The following FMN1 variants were observed in gnomAD, a reference collection of about 807,000 sequenced individuals.
The protein encoded by FMN1 is formin 1.
A neutral mutation model predicts 132.4 loss-of-function variants in FMN1; 110 were observed. That is an observed-to-expected ratio of 0.83 (90% CI 0.71 to 0.97). FMN1 has a LOEUF of 0.97. FMN1 is among the 50% of genes least tolerant of loss of function. The pLI, the probability that FMN1 is intolerant of heterozygous loss-of-function variation, is 0.00. For missense variants in FMN1, 1,792 were observed against 1,705.3 expected, an observed-to-expected ratio of 1.05 and a Z score of -0.90; for synonymous variants, 722 against 651.7, an observed-to-expected ratio of 1.11 and a Z score of -1.64.
At chr15:33,148,918 A>T (rs1292298066) in intron 4 of FMN1, among the ~76,000 whole-genome samples, 1 of 150,730 alleles carries the variant, frequency 6.6e-6, no homozygotes, top group African/African-American at 2.5e-5. Flanking sequence ...CTCAAAGGAC[A>T]TGGGGAAAAC....
At position 33,148,180 on chromosome 15, in the gene FMN1, G is replaced by A. The variant is rs564544973; in HGVS notation, c.1867+4868C>T. Among the ~76,000 whole-genome samples, 39 of 152,162 alleles carry A rather than the reference G, an allele frequency of 2.6e-4. 1 individual carries two copies. The Middle Eastern group carries it at 0.01, about 40-fold the overall frequency. ...ATAAACACACATTCTTCTTTCCCCTGTTGCTCATTTAAAATTCCATCCCAT... is the reference window on the plus strand; with the variant it reads ...ATAAACACACATTCTTCTTTCCCCTATTGCTCATTTAAAATTCCATCCCAT... On this transcript the variant is annotated intron_variant, in intron 4 of 20. Transcript: ENST00000616417.
chr15:32,889,381 G>A (rs573831165), intron 15 of FMN1, among the ~76,000 whole-genome samples: 115 of 152,134 alleles, frequency 7.6e-4, no homozygotes, highest in African/African-American at 2.5e-3. Flanking sequence ...TCCTCTCTCT[G>A]CACAGGCTAC....
intron 5 of FMN1, among the ~76,000 whole-genome samples, chr15:33,079,599 G>A (rs1376395779): frequency 1.3e-5 from 2 of 152,236 alleles, no homozygotes; most frequent in Non-Finnish European, 2.9e-5. Flanking sequence ...CTCCAGCCTC[G>A]GTGACAGAGC....
intron 16 of FMN1, among the ~76,000 whole-genome samples, chr15:32,863,625 G>A (rs1056264176): frequency 2.0e-5 from 3 of 152,138 alleles, no homozygotes; most frequent in African/African-American, 4.8e-5. Context: ...GGTATGGCAC[G>A]CAGTAATTAT....
intron 17 of FMN1, chr15:32,837,167 G>A (rs138220903): frequency 4.3e-5 from 10 of 230,080 alleles, no homozygotes; most frequent in African/African-American, 2.1e-4. Context: ...ATGTGGTCCA[G>A]TACAAGGAAC....
intron 16 of FMN1, among the ~76,000 whole-genome samples, chr15:32,874,228 G>C (rs1377632374): frequency 2.6e-5 from 4 of 151,676 alleles, no homozygotes; most frequent in Non-Finnish European, 5.9e-5. Context: ...TCGCTATGTT[G>C]GTCAGGCTGG....
At chr15:33,096,222 T>G (rs540800089) in intron 4 of FMN1, among the ~76,000 whole-genome samples, 1 of 152,218 alleles carries the variant, frequency 6.6e-6, no homozygotes, top group Non-Finnish European at 1.5e-5. Flanking sequence ...AACAGCTGTA[T>G]AATCTTAGTT....
intron 9 of FMN1, among the ~76,000 whole-genome samples, chr15:32,958,466 G>C (rs1023426075): frequency 6.6e-6 from 1 of 152,070 alleles, no homozygotes; most frequent in Non-Finnish European, 1.5e-5. Context: ...CCATATGAGA[G>C]AAATAAGATG....
intron 9 of FMN1, among the ~76,000 whole-genome samples, chr15:32,949,687 A>G (rs769267806): frequency 1.3e-5 from 2 of 151,876 alleles, no homozygotes; most frequent in Non-Finnish European, 2.9e-5. Context: ...ATTACAACAA[A>G]AGCAAAAATT....
chr15:32,998,596 G>A (rs1218109667), intron 7 of FMN1, among the ~76,000 whole-genome samples: 1 of 152,164 alleles, frequency 6.6e-6, no homozygotes, highest in Non-Finnish European at 1.5e-5. Flanking sequence ...ACTCCCCGTG[G>A]TGCTCTACCA....
In FMN1 at chr15:33,153,268, A is replaced by C; in HGVS notation, c.1647T>G (p.Ala549=). ...TTCTACAAGGAGAGTCATTAAGAGCAGCTTCCCTCTCACCAGGCAATGCAG... is the reference window on the plus strand; with the variant it reads ...TTCTACAAGGAGAGTCATTAAGAGCCGCTTCCCTCTCACCAGGCAATGCAG... ...RLPALPGERE[A]ALNDSPCRKS... is the part of the protein sequence containing the mutation. Residue 549 remains alanine, a synonymous_variant, in exon 4 of 21, where the codon GCT becomes GCG. Transcript: ENST00000616417. 2 of 1,536,164 alleles carry C rather than the reference A, an allele frequency of 1.3e-6. No individual in the cohort carries two copies. Among genetic ancestry groups the C allele is most frequent in the African/African-American group, 1.4e-5 (1 of 73,168 alleles).
chr15:33,012,582 T>A (rs1596468122), intron 6 of FMN1: 2 of 1,326,122 alleles, frequency 1.5e-6, no homozygotes, highest in African/African-American at 1.4e-5. Flanking sequence ...TTGACAACCA[T>A]GACTCTGTGG....
At chr15:32,785,141 T>C (rs910541777) in intron 19 of FMN1, among the ~76,000 whole-genome samples, 2 of 144,788 alleles carry the variant, frequency 1.4e-5, no homozygotes, top group Non-Finnish European at 3.0e-5. Context: ...TAGGGGTGTG[T>C]GTGTGTGTGT....
At chr15:33,128,404 TTCA>T in intron 4 of FMN1, among the ~76,000 whole-genome samples, 1 of 152,306 alleles carries the variant, frequency 6.6e-6, no homozygotes, top group Middle Eastern at 3.4e-3. Context: ...CCGCCATTTG[TTCA>T]TCAACAAAAT....
intron 4 of FMN1, among the ~76,000 whole-genome samples, chr15:33,094,481 G>C (rs1213234463): frequency 1.3e-5 from 2 of 152,194 alleles, no homozygotes; most frequent in Admixed American, 6.5e-5. Context: ...TTGCACTGCA[G>C]TGCAGCAGAT....
chr15:32,992,320 G>A (rs987312667), intron 7 of FMN1, among the ~76,000 whole-genome samples: 11 of 152,152 alleles, frequency 7.2e-5, no homozygotes, highest in Admixed American at 3.9e-4. Flanking sequence ...TGAAAATAAA[G>A]TATCAAAAAG....
chr15:32,978,797 A>T (rs1408674338), intron 7 of FMN1, among the ~76,000 whole-genome samples: 1 of 152,238 alleles, frequency 6.6e-6, no homozygotes, highest in Non-Finnish European at 1.5e-5. Context: ...CCACCTGCAC[A>T]ACAGTATCAT....
At chr15:33,123,604 G>A (rs1233785366) in intron 4 of FMN1, among the ~76,000 whole-genome samples, 1 of 152,178 alleles carries the variant, frequency 6.6e-6, no homozygotes, top group African/African-American at 2.4e-5. Flanking sequence ...TGGGGGTACA[G>A]GTTATATAGT....
chr15:32,953,179 C>T (rs753478157), intron 9 of FMN1, among the ~76,000 whole-genome samples: 10 of 152,186 alleles, frequency 6.6e-5, no homozygotes, highest in Non-Finnish European at 1.2e-4. Flanking sequence ...TTGTACCCCA[C>T]CTAGGAGATC....
Sources: allele counts gnomAD v4.1 joint callset (sites outside exome capture counted in the v4.1 genomes callset), GRCh38; gene constraint gnomAD v4.1.1; transcripts MANE v1.5; gene names NCBI Gene and HGNC (gene_info 2026-07-23, HGNC 2026-07-21).